THY1: variants seen among roughly 807,000 people sequenced by gnomAD.
The protein encoded by THY1 is thy-1 membrane glycoprotein.
A neutral mutation model predicts 14.9 loss-of-function variants in THY1; 10 were observed. The observed-to-expected ratio is 0.67, with a 90% CI of 0.41 to 1.14. The LOEUF (loss-of-function observed/expected upper bound fraction) is 1.14. THY1 is among the 50% of genes most tolerant of loss of function. THY1 has a pLI of 0.00. For missense variants in THY1, 159 were observed against 202.1 expected (o/e 0.79, Z 1.29); for synonymous variants, 80 against 90.0 (o/e 0.89, Z 0.63).
At position 119,419,433 on chromosome 11, in the gene THY1, T is replaced by G; in HGVS notation, c.461A>C (p.Gln154Pro). The G allele has an allele frequency of 6.2e-7, 1 of 1,613,786 alleles. No individual in the cohort carries two copies. Residue 154 changes from glutamine (Q) to proline (P), a missense_variant, in exon 4 of 4, where the codon CAG becomes CCG. Physicochemically the swap from Gln to Pro is moderately conservative, Grantham distance 76. Transcript: ENST00000284240. ...TCACAGGGACATGAAATCCGTGGCC[T>G]GGAGGAGGGAGAGGGAGAGCAGGAG... ...LLLLLSLSLL[Q>P]ATDFMSL
intron 3 of THY1, chr11:119,419,843 T>G: frequency 1.5e-6 from 1 of 653,118 alleles, no homozygotes; most frequent in Non-Finnish European, 2.6e-6. Flanking sequence ...ACAGTTCTGG[T>G]GGAACCACAC....
chr11:119,421,423 C>G (rs1034064480), intron 1 of THY1, among the ~76,000 whole-genome samples: 5 of 152,190 alleles, frequency 3.3e-5, no homozygotes, highest in Non-Finnish European at 7.4e-5. Flanking sequence ...CTCTTTTTGT[C>G]TTTCAAAGTA....
chr11:119,416,285 G>C lies in THY1; in HGVS notation c.*3123C>G, dbSNP rs990819915. Among the ~76,000 whole-genome samples, 7 of 152,264 alleles carry C rather than the reference G, an allele frequency of 4.6e-5. No homozygotes were observed. Among genetic ancestry groups the C allele is most frequent in the African/African-American group, 1.7e-4 (7 of 41,542 alleles). On this transcript the variant is annotated 3_prime_UTR_variant, in exon 4 of 4. Coordinates refer to ENST00000284240, the MANE Select transcript of THY1 (RefSeq NM_006288.5). ...ACTGGCGAGGGAGTGGATGGGGATG[G>C]GGTTGGGGCATGTGTACAGGAACCA...
upstream of THY1, chr11:119,423,538 T>C (rs894445174): frequency 1.5e-5 from 4 of 264,328 alleles, no homozygotes; most frequent in African/African-American, 6.9e-5. Flanking sequence ...AAAACCAAAG[T>C]GTAAGAGGTG....
upstream of THY1, among the ~76,000 whole-genome samples, chr11:119,424,372 A>G (rs3910017): frequency 0.9 from 137,359 of 152,192 alleles, 62,018 homozygotes; most frequent in East Asian, 0.95. Context: ...ATGAATTCTG[A>G]TCACGACATT....
Position 119,419,003 on chromosome 11 carries a change from C to T in THY1, c.*405G>A. On this transcript the variant is annotated 3_prime_UTR_variant, in exon 4 of 4. Transcript: ENST00000284240. ...GCCCAACCACTCCTCATCCAAGTCT[C>T]TCCCAGGTTTCTGGTCCCGATGGGC... 3.1e-6 allele frequency: 1 copy of T among 325,866 alleles called. No homozygotes were observed. Among genetic ancestry groups the T allele is most frequent in the Non-Finnish European group, 6.0e-6 (1 of 166,136 alleles). 20.2% of individuals were successfully genotyped at this position (325,866 alleles called of 1,614,324 possible).
rs1861865290 is a variant in THY1, at chr11:119,420,062, G to A, written c.362C>T (p.Thr121Ile). The A allele has an allele frequency of 1.2e-6, 2 of 1,612,734 alleles. No homozygotes were observed. The highest frequency in any genetic ancestry group is 1.7e-6 in the Non-Finnish European group (2 of 1,179,318). ...GGGGCTTGTCTCACCTCTGAGCACT[G>A]TGACGTTCTGGGAGGAGATGGGTGG... ...HSPPISSQNV[T>I]VLRDKLVKCE... The change falls in exon 3 of 4, where the codon ACA (threonine) becomes ATA (isoleucine). Residue 121 changes from threonine (T) to isoleucine (I), a missense_variant. Thr to Ile is a moderately conservative substitution (Grantham distance 89, BLOSUM62 -1). Coordinates refer to ENST00000284240, the MANE Select transcript of THY1 (RefSeq NM_006288.5).
chr11:119,419,075 TC>T lies in THY1; in HGVS notation c.*332del. ...TGGTACCCCACCATCCCACTACCCCTCACATGCTCTCACTCTCCATCAGGTC... is the reference window on the plus strand; with the variant it reads ...TGGTACCCCACCATCCCACTACCCCTACATGCTCTCACTCTCCATCAGGTC... On this transcript the variant is annotated 3_prime_UTR_variant, in exon 4 of 4. Transcript: ENST00000284240. 5.5e-6 allele frequency: 2 copies of T among 360,640 alleles called. No homozygotes were observed. Among genetic ancestry groups the T allele is most frequent in the South Asian group, 4.4e-5 (2 of 45,908 alleles). 22.3% of individuals were successfully genotyped at this position (360,640 alleles called of 1,614,324 possible). A position where few individuals can be genotyped will look rare whatever the true frequency, so the allele number is the denominator to read the frequency against.
In THY1 at chr11:119,420,271, C is replaced by A; in HGVS notation, c.153G>T (p.Glu51Asp). 6.2e-7 allele frequency: 1 copy of A among 1,614,266 alleles called. No homozygotes were observed. Among genetic ancestry groups the A allele is most frequent in the Non-Finnish European group, 8.5e-7 (1 of 1,180,054 alleles). ...ENTSSSPIQY[E>D]FSLTRETKKH... ...TCTTTGTCTCACGGGTCAGGCTGAA[C>A]TCGTACTGGATGGGTGAACTGCTGG... The change falls in exon 3 of 4, where the codon GAG becomes GAT. Residue 51 changes from glutamate (E) to aspartate (D), a missense_variant. Physicochemically the swap from Glu to Asp is conservative, Grantham distance 45. Transcript: ENST00000284240.
At position 119,419,392 on chromosome 11, in the gene THY1, C is replaced by T. The variant is rs1373523001; in HGVS notation, c.*16G>A. The T allele has an allele frequency of 1.9e-6, 3 of 1,610,610 alleles. No individual in the cohort carries two copies. The highest frequency in any genetic ancestry group is 2.5e-6 in the Non-Finnish European group (3 of 1,177,178). ...TGGAACTTGAGGCTTCCTGTCTCCT[C>T]CATGGGCCCCACCAGTCACAGGGAC... On this transcript the variant is annotated 3_prime_UTR_variant, in exon 4 of 4. Transcript: ENST00000284240.
upstream of THY1, chr11:119,424,748 A>G (rs1861983883): frequency 6.6e-6 from 1 of 152,034 alleles, no homozygotes; most frequent in Non-Finnish European, 1.5e-5. Context: ...ACTCTAACAC[A>G]TGATCTGGTA....
At chr11:119,423,458 C>T (rs2135439147), upstream of THY1, 1 of 350,042 alleles carries the variant, frequency 2.9e-6, no homozygotes, top group Non-Finnish European at 5.7e-6. Context: ...CCTCCCTGAG[C>T]CCCGCAATGG....
chr11:119,416,125 T>C lies in THY1; in HGVS notation c.*3283A>G, dbSNP rs1358854378. On this transcript the variant is annotated 3_prime_UTR_variant, in exon 4 of 4. Coordinates refer to ENST00000284240, the MANE Select transcript of THY1 (RefSeq NM_006288.5). Reference sequence around the variant, plus strand: ...CCTCTAGATGTCAGAGATGCAGACATTGCGCGTCTCAGTGGACAATCCAGT... The same window carrying C: ...CCTCTAGATGTCAGAGATGCAGACACTGCGCGTCTCAGTGGACAATCCAGT... 6.6e-6 allele frequency among the ~76,000 whole-genome samples: 1 copy of C among 152,064 alleles called. No individual in the cohort carries two copies. The highest frequency in any genetic ancestry group is 1.5e-5 in the Non-Finnish European group (1 of 67,990).
rs1045793251 is a variant in THY1 at position 119,415,738 on chromosome 11, C to A, written c.*3670G>T. ...CAAAGATGCCTCCTGTGGGTCTGCA[C>A]AGGACATGTTTCTCCTTGAGTGTGT... On this transcript the variant is annotated 3_prime_UTR_variant, in exon 4 of 4. Transcript: ENST00000284240. 7.2e-5 allele frequency among the ~76,000 whole-genome samples: 11 copies of A among 152,178 alleles called. No individual in the cohort carries two copies. Among genetic ancestry groups the A allele is most frequent in the African/African-American group, 2.4e-4 (10 of 41,434 alleles).
rs750464352 is a variant in THY1, at chr11:119,419,412, A to C, written c.482T>G (p.Leu161Arg). 2.5e-6 allele frequency: 4 copies of C among 1,613,724 alleles called. No homozygotes were observed. The highest frequency in any genetic ancestry group is 3.3e-5 in the Admixed American group (2 of 60,002). ...SLLQATDFMS[L>R] ...CTCCTCCATGGGCCCCACCAGTCAC[A>C]GGGACATGAAATCCGTGGCCTGGAG... Residue 161 changes from leucine (L) to arginine (R), a missense_variant, in exon 4 of 4, where the codon CTG (leucine) becomes CGG (arginine). Transcript: ENST00000284240.
intron 2 of THY1, 83 bp downstream of exon 2, chr11:119,420,786 T>A (rs1014244354): frequency 3.9e-6 from 6 of 1,547,578 alleles, no homozygotes; most frequent in Non-Finnish European, 5.3e-6. Flanking sequence ...TGCGCTTTTC[T>A]GAGACTGTGA....
chr11:119,420,196 G>C lies in THY1; in HGVS notation c.228C>G (p.Ser76=). The C allele has an allele frequency of 6.2e-7, 1 of 1,614,252 alleles. No individual in the cohort carries two copies. Among genetic ancestry groups the C allele is most frequent in the East Asian group, 2.2e-5 (1 of 44,890 alleles). ...TVGVPEHTYR[S]RTNFTSKYNM... is the part of the protein sequence containing the mutation. ...TGTATTTGCTGGTGAAGTTGGTTCGGGAGCGGTATGTGTGCTCAGGCACCC... is the reference window on the plus strand; with the variant it reads ...TGTATTTGCTGGTGAAGTTGGTTCGCGAGCGGTATGTGTGCTCAGGCACCC... The change falls in exon 3 of 4, where the codon TCC becomes TCG. Residue 76 remains serine, a synonymous_variant. Coordinates refer to ENST00000284240, the MANE Select transcript of THY1 (RefSeq NM_006288.5).
Position 119,419,473 on chromosome 11 carries a change from A to G in THY1, c.421T>C (p.Ser141Pro), listed in dbSNP as rs1861852016. The G allele has an allele frequency of 6.2e-7, 1 of 1,613,528 alleles. No individual in the cohort carries two copies. The highest frequency in any genetic ancestry group is 1.3e-5 in the African/African-American group (1 of 74,858). The change falls in exon 4 of 4, where the codon TCG becomes CCG. Residue 141 changes from serine (S) to proline (P), a missense_variant. Transcript: ENST00000284240. ...GAGAGCAGGAGCAGCAGCAGCCACGAGGTGTTCTGAGCCAGCAGGCTGATG... is the reference window on the plus strand; with the variant it reads ...GAGAGCAGGAGCAGCAGCAGCCACGGGGTGTTCTGAGCCAGCAGGCTGATG... ...EGISLLAQNT[S>P]WLLLLLLSLS... is the part of the protein sequence containing the mutation.
intron 3 of THY1, 118 bp downstream of exon 3, chr11:119,419,933 G>T: frequency 8.9e-7 from 1 of 1,122,784 alleles, no homozygotes; most frequent in Non-Finnish European, 1.2e-6. Context: ...GGCAGCAGTT[G>T]GGAGAGGGTG....
Sources: gnomAD v4.1 joint callset for allele counts (sites outside exome capture counted in the v4.1 genomes callset) on GRCh38, gnomAD v4.1.1 for gene constraint, MANE v1.5 for transcripts, NCBI Gene and HGNC (gene_info 2026-07-23, HGNC 2026-07-21) for gene names.